PDLIM7: variants seen among roughly 807,000 people sequenced by gnomAD.
The protein encoded by PDLIM7 is PDZ and LIM domain protein 7.
PDLIM7 carries 37 observed loss-of-function variants against 53.9 expected under a neutral mutation model. The ratio of observed to expected loss-of-function variants is 0.69; its 90% CI spans 0.53 to 0.90. The LOEUF (loss-of-function observed/expected upper bound fraction) is 0.90, where lower values mean the gene tolerates loss of function less well. Ranked by LOEUF, PDLIM7 falls within the 40% of genes least tolerant of loss-of-function variation. PDLIM7 has a pLI of 0.00. For missense variants in PDLIM7, 617 were observed against 638.5 expected (o/e 0.97, Z 0.36); for synonymous variants, 300 against 261.3 (o/e 1.15, Z -1.43).
At chr5:177,490,271 C>T in intron 7 of PDLIM7, 1 of 1,444,946 alleles carries the variant, frequency 6.9e-7, no homozygotes, top group Non-Finnish European at 9.1e-7. Flanking sequence ...TTATTCCATG[C>T]CCAAGGCAGC....
In PDLIM7 at chr5:177,489,781, C is replaced by G. The variant is rs1170992861; in HGVS notation, c.624G>C (p.Glu208Asp). The G allele has an allele frequency of 1.3e-6, 2 of 1,569,618 alleles. No homozygotes were observed. Among genetic ancestry groups the G allele is most frequent in the Non-Finnish European group, 8.6e-7 (1 of 1,159,298 alleles). Residue 208 changes from glutamate (E) to aspartate (D), a missense_variant, in exon 8 of 13, where the codon GAG becomes GAC. Physicochemically the swap from Glu to Asp is conservative, Grantham distance 45. Transcript: ENST00000355841. The part of the protein sequence containing the change: ...APAPASSTPQ[E>D]PWPGPTAPSP... ...CCCACTCCCTCTCACCAGGCCAGGG[C>G]TCCTGGGGTGTAGATGAGGCTGGGG...
intron 2 of PDLIM7, among the ~76,000 whole-genome samples, chr5:177,494,621 G>A (rs1232717637): frequency 6.6e-6 from 1 of 152,106 alleles, no homozygotes; most frequent in East Asian, 1.9e-4. Flanking sequence ...CACAGAGGAT[G>A]AGGGGTGTTC....
At chr5:177,488,903 AAAG>A (rs1343232309) in intron 9 of PDLIM7, among the ~76,000 whole-genome samples, 2 of 151,610 alleles carry the variant, frequency 1.3e-5, no homozygotes, top group Non-Finnish European at 2.9e-5. Context: ...AAAAAAAAAA[AAAG>A]AGCTGACAGA....
chr5:177,484,338 C>A, intron 10 of PDLIM7, 148 bp from the exon 11 acceptor site: 1 of 932,940 alleles, frequency 1.1e-6, no homozygotes, highest in Non-Finnish European at 1.6e-6. Context: ...ACCTCCATCT[C>A]CAACTCCAAG....
chr5:177,490,406 T>G lies in PDLIM7; in HGVS notation c.572+464A>C. 4 of 1,492,928 alleles carry G rather than the reference T, an allele frequency of 2.7e-6. No individual in the cohort carries two copies. In the South Asian group the frequency reaches 3.9e-5, roughly 14 times the overall value. 92.5% of individuals were successfully genotyped at this position (1,492,928 alleles called of 1,614,324 possible). A position where few individuals can be genotyped will look rare whatever the true frequency, so the allele number is the denominator to read the frequency against. ...CAGGGGCACGAAAGGGGGGGTGAGG[T>G]AGGCAGAAGCTGGAGGCACTAAGGG... On this transcript the variant is annotated intron_variant, in intron 7 of 12. Transcript: ENST00000355841.
At chr5:177,490,705 GGAGGAAGGGAAGGAAGGAA>G in intron 7 of PDLIM7, 146 bp downstream of exon 7, 1 of 888,038 alleles carries the variant, frequency 1.1e-6, no homozygotes, top group South Asian at 1.5e-5. Context: ...AAGGAAGGAA[GGAGGAAGGGAAGGAAGGAA>G]GGAAGGAAGG....
chr5:177,489,385 C>T lies in PDLIM7; in HGVS notation c.869+8G>A. 1 of 1,546,344 alleles carries T rather than the reference C, an allele frequency of 6.5e-7. No homozygotes were observed. The highest frequency in any genetic ancestry group is 2.3e-5 in the East Asian group (1 of 42,980). On this transcript the variant is annotated splice_region_variant and intron_variant, in intron 9 of 12. Transcript: ENST00000355841. ...AAAGCCAGGGTCGGACAGGAACAGGCCACCCACCGGATGACCTTGTGGCAC... is the reference window on the plus strand; with the variant it reads ...AAAGCCAGGGTCGGACAGGAACAGGTCACCCACCGGATGACCTTGTGGCAC...
chr5:177,490,934 A>G (rs1758738761), intron 6 of PDLIM7, 28 bp from the exon 7 acceptor site: 3 of 1,613,812 alleles, frequency 1.9e-6, no homozygotes, highest in African/African-American at 2.7e-5. Flanking sequence ...GGCATTGACC[A>G]AAAAAGACAC....
At chr5:177,491,666 G>T in intron 5 of PDLIM7, 141 bp downstream of exon 5, 1 of 617,386 alleles carries the variant, frequency 1.6e-6, no homozygotes, top group Non-Finnish European at 2.7e-6. Flanking sequence ...TGTGCCTGCA[G>T]CCCCACCCCG....
intron 12 of PDLIM7, 45 bp from the exon 13 acceptor site, chr5:177,483,775 G>A (rs1462354399): frequency 3.8e-6 from 6 of 1,575,572 alleles, no homozygotes; most frequent in Non-Finnish European, 5.2e-6. Flanking sequence ...GGGGCAGCAG[G>A]AGAGGCCCCT....
intron 4 of PDLIM7, 49 bp downstream of exon 4, chr5:177,492,356 G>A (rs777067215): frequency 1.8e-5 from 29 of 1,604,628 alleles, no homozygotes; most frequent in Middle Eastern, 1.7e-4. Context: ...AGGCCTGGCC[G>A]TCCAAGCCCA....
intron 2 of PDLIM7, chr5:177,492,937 T>G: frequency 2.1e-6 from 1 of 486,536 alleles, no homozygotes. Flanking sequence ...TCACCTGAGC[T>G]TCCCCAGTCA....
intron 5 of PDLIM7, 150 bp from the exon 6 acceptor site, chr5:177,491,296 G>C: frequency 6.9e-7 from 1 of 1,449,390 alleles, no homozygotes; most frequent in Non-Finnish European, 9.5e-7. Flanking sequence ...GGGTAGGTGA[G>C]AGGACAGGAG....
At chr5:177,491,446 CAGAT>C (rs763967524) in intron 5 of PDLIM7, 27 of 1,532,900 alleles carry the variant, frequency 1.8e-5, no homozygotes, top group East Asian at 1.7e-4. Flanking sequence ...GACAGACAGA[CAGAT>C]AAAGGGACAA....
At chr5:177,486,373 C>T (rs886593507) in intron 10 of PDLIM7, among the ~76,000 whole-genome samples, 1 of 152,220 alleles carries the variant, frequency 6.6e-6, no homozygotes, top group African/African-American at 2.4e-5. Flanking sequence ...TACCTTGCAA[C>T]CGTGCCGGCC....
intron 10 of PDLIM7, among the ~76,000 whole-genome samples, chr5:177,486,678 G>T (rs370231703): frequency 6.6e-5 from 10 of 152,064 alleles, no homozygotes; most frequent in East Asian, 3.9e-4. Context: ...TCGCTCTGTC[G>T]CCCAGGCTGG....
chr5:177,487,489 T>G (rs1464990795), intron 10 of PDLIM7, among the ~76,000 whole-genome samples: 1 of 152,236 alleles, frequency 6.6e-6, no homozygotes, highest in African/African-American at 2.4e-5. Flanking sequence ...AAGTGTCATC[T>G]TGCACCATGA....
At chr5:177,487,132 CAT>C (rs1346242857) in intron 10 of PDLIM7, among the ~76,000 whole-genome samples, 1 of 151,878 alleles carries the variant, frequency 6.6e-6, no homozygotes, top group East Asian at 1.9e-4. Context: ...AGGGTTTCAC[CAT>C]ATTGGCCAGG....
chr5:177,489,887 A>AC (rs763875066), intron 7 of PDLIM7, 55 bp from the exon 8 acceptor site: 7 of 1,546,664 alleles, frequency 4.5e-6, no homozygotes, highest in Non-Finnish European at 5.2e-6. Flanking sequence ...ACATGGCCCC[A>AC]CCCCCCAACC....
Sources: gnomAD v4.1 joint callset for allele counts (sites outside exome capture counted in the v4.1 genomes callset) on GRCh38, gnomAD v4.1.1 for gene constraint, MANE v1.5 for transcripts, NCBI Gene and HGNC (gene_info 2026-07-23, HGNC 2026-07-21) for gene names.